The following KLHL29 variants were observed in gnomAD, a reference collection of about 807,000 sequenced individuals.
The protein encoded by KLHL29 is kelch-like protein 29.
Under a neutral mutation model 80.4 loss-of-function variants are expected in KLHL29, and 21 were observed. The ratio of observed to expected loss-of-function variants is 0.26; its 90% CI spans 0.19 to 0.38. The LOEUF (loss-of-function observed/expected upper bound fraction) is 0.38. Ranked by LOEUF, KLHL29 falls within the 10% of genes least tolerant of loss-of-function variation. The pLI is 1.00. For missense variants in KLHL29, 867 were observed against 1,223.9 expected (o/e 0.71, Z 4.35); for synonymous variants, 511 against 526.8 (o/e 0.97, Z 0.41).
chr2:23,455,858 A>G (rs2103424799), intron 1 of KLHL29, among the ~76,000 whole-genome samples: 1 of 152,248 alleles, frequency 6.6e-6, no homozygotes, highest in South Asian at 2.1e-4. Flanking sequence ...CCAATCCCTC[A>G]GAATGTGGCT....
At position 23,700,017 on chromosome 2, in the gene KLHL29, G is replaced by A. The variant is rs1044551760; in HGVS notation, c.2106-3169G>A. 8.5e-5 allele frequency among the ~76,000 whole-genome samples: 13 copies of A among 152,096 alleles called. No homozygotes were observed. Among genetic ancestry groups the A allele is most frequent in the African/African-American group, 2.2e-4 (9 of 41,396 alleles). ...CATTCCTACAAATACAGCTACACTC[G>A]TGCCATCCTTGACTTCCTCTCTCCT... On this transcript the variant is annotated intron_variant, in intron 11 of 13. Transcript: ENST00000486442. The surrounding 1 kb of genome is among the most constrained non-coding windows in gnomAD (Gnocchi z 4.6).
At chr2:23,688,528 C>T (rs1214117918) in intron 6 of KLHL29, among the ~76,000 whole-genome samples, 9 of 152,184 alleles carry the variant, frequency 5.9e-5, no homozygotes, top group Non-Finnish European at 1.3e-4. Flanking sequence ...TGCAAACATT[C>T]TAGTAGTTGG....
At chr2:23,508,033 C>T (rs1019103969) in intron 2 of KLHL29, among the ~76,000 whole-genome samples, 2 of 152,212 alleles carry the variant, frequency 1.3e-5, no homozygotes, top group African/African-American at 2.4e-5. Flanking sequence ...CTGGTTCACG[C>T]ATGCTCCTCA....
intron 3 of KLHL29, among the ~76,000 whole-genome samples, chr2:23,570,168 C>T (rs113955879): frequency 2.2e-4 from 33 of 152,222 alleles, no homozygotes; most frequent in African/African-American, 6.8e-4. Context: ...CTGAGCAGAG[C>T]GAGTGGGCCA....
At chr2:23,643,123 TC>T (rs1404395185) in intron 5 of KLHL29, 2 of 588,202 alleles carry the variant, frequency 3.4e-6, no homozygotes, top group African/African-American at 1.8e-5. Context: ...CCAGAGCCCG[TC>T]CCCCTCCAGC....
chr2:23,603,815 A>G (rs1256689964), intron 3 of KLHL29, among the ~76,000 whole-genome samples: 1 of 152,218 alleles, frequency 6.6e-6, no homozygotes, highest in Non-Finnish European at 1.5e-5. Flanking sequence ...TCCAGCGGGA[A>G]AGGAAGGCTG....
intron 5 of KLHL29, among the ~76,000 whole-genome samples, chr2:23,656,284 C>A (rs1670242554): frequency 6.6e-6 from 1 of 152,102 alleles, no homozygotes; most frequent in Non-Finnish European, 1.5e-5. Context: ...AGATGCTGGC[C>A]CGGAGGAGGT....
chr2:23,453,417 T>G (rs187217494), intron 1 of KLHL29, among the ~76,000 whole-genome samples: 9 of 152,336 alleles, frequency 5.9e-5, no homozygotes, highest in African/African-American at 2.2e-4. Context: ...TCTCCCACAT[T>G]GAGGCTTTTC....
chr2:23,443,146 G>T (rs1030860777), intron 1 of KLHL29, among the ~76,000 whole-genome samples: 46 of 152,090 alleles, frequency 3.0e-4, no homozygotes, highest in African/African-American at 1.1e-3. Context: ...CTACCACCTA[G>T]ATTCAAAAAT....
intron 3 of KLHL29, among the ~76,000 whole-genome samples, chr2:23,589,585 C>T: frequency 6.6e-6 from 1 of 152,212 alleles, no homozygotes; most frequent in East Asian, 1.9e-4. Context: ...GGCCTTGGCC[C>T]CAGGACCCCA....
rs897423087 is a variant in KLHL29, at chr2:23,642,821, A to G, written c.911A>G (p.Tyr304Cys). 3 of 1,550,212 alleles carry G rather than the reference A, an allele frequency of 1.9e-6. No homozygotes were observed. The highest frequency in any genetic ancestry group is 2.6e-6 in the Non-Finnish European group (3 of 1,146,864). Reference protein sequence around the residue: ...QMLRTIGVGKYEFTDPGHPRE... With the variant: ...QMLRTIGVGKCEFTDPGHPRE... ...CTGCGGACCATTGGCGTGGGGAAGT[A>G]TGAGTTCACCGACCCGGGGCACCCC... is the stretch of plus-strand genomic sequence containing the variant. Residue 304 changes from tyrosine to cysteine, a missense_variant, in exon 5 of 14, where the codon TAT (tyrosine) becomes TGT (cysteine). By Grantham distance (194) the Tyr-to-Cys change is radical. Coordinates refer to ENST00000486442, the MANE Select transcript of KLHL29 (RefSeq NM_052920.2).
rs528965969 is a variant in KLHL29, at chr2:23,442,129, G to A, written c.-153-33431G>A. Among the ~76,000 whole-genome samples, 10 of 152,180 alleles carry A rather than the reference G, an allele frequency of 6.6e-5. No individual in the cohort carries two copies. The South Asian group carries it at 2.1e-3, about 32-fold the overall frequency. On this transcript the variant is annotated intron_variant, in intron 1 of 13. Transcript: ENST00000486442. ...TAATTTTTGAGACAGGGTCTTGTAGGCTAGAATGCAGTGACACAAAAACGG... is the reference window on the plus strand; with the variant it reads ...TAATTTTTGAGACAGGGTCTTGTAGACTAGAATGCAGTGACACAAAAACGG...
chr2:23,597,323 G>T (rs1476839907), intron 3 of KLHL29, among the ~76,000 whole-genome samples: 38 of 138,094 alleles, frequency 2.8e-4, no homozygotes. Flanking sequence ...GTGTGTGTGT[G>T]TGTGTGTGTG....
At chr2:23,579,460 G>C (rs1030494285) in intron 3 of KLHL29, among the ~76,000 whole-genome samples, 5 of 152,076 alleles carry the variant, frequency 3.3e-5, no homozygotes, top group African/African-American at 9.7e-5. Context: ...GCCTGGCTCA[G>C]GGCTCAGGTT....
rs925099661 is a variant in KLHL29, at chr2:23,682,965, G to T, written c.941-1434G>T. Among the ~76,000 whole-genome samples the T allele has an allele frequency of 2.6e-5, 4 of 152,202 alleles. No homozygotes were observed. The East Asian group carries it at 7.7e-4, about 29-fold the overall frequency. On this transcript the variant is annotated intron_variant, in intron 5 of 13. Coordinates refer to ENST00000486442, the MANE Select transcript of KLHL29 (RefSeq NM_052920.2). The surrounding 1 kb of genome is among the most constrained non-coding windows in gnomAD (Gnocchi z 4.1). ...CATGCATGTGGCGTGTTCTCCAGGAGCCCCTCCCACCGTCTTCCTTGGTCT... is the reference window on the plus strand; with the variant it reads ...CATGCATGTGGCGTGTTCTCCAGGATCCCCTCCCACCGTCTTCCTTGGTCT...
intron 3 of KLHL29, among the ~76,000 whole-genome samples, chr2:23,622,281 G>A (rs1447842392): frequency 6.6e-6 from 1 of 152,126 alleles, no homozygotes. Flanking sequence ...CATCCCCTCT[G>A]TTCATGCCCA....
chr2:23,412,122 A>AGGGGGGGGGGGGGGGGGG (rs33951812), intron 1 of KLHL29, among the ~76,000 whole-genome samples: 3 of 118,716 alleles, frequency 2.5e-5, no homozygotes, highest in African/African-American at 1.0e-4. Context: ...GTGTGCGTGA[A>AGGGGGGGGGGGGGGGGGG]GGGGGGGGGG....
intron 12 of KLHL29, 110 bp from the exon 13 acceptor site, chr2:23,703,609 C>T: frequency 7.5e-7 from 1 of 1,332,826 alleles, no homozygotes; most frequent in Admixed American, 2.7e-5. Flanking sequence ...CAATCAGTCA[C>T]TTGTTGGAAG....
intron 3 of KLHL29, among the ~76,000 whole-genome samples, chr2:23,599,361 T>C (rs1475562215): frequency 2.0e-5 from 3 of 152,146 alleles, no homozygotes; most frequent in Non-Finnish European, 4.4e-5. Context: ...CCGGGGCTTT[T>C]CTCATCCGTA....
Sources: gnomAD v4.1 joint callset for allele counts (sites outside exome capture counted in the v4.1 genomes callset) on GRCh38, gnomAD v4.1.1 for gene constraint, Gnocchi (gnomAD v3.1) non-coding constraint, MANE v1.5 for transcripts, NCBI Gene and HGNC (gene_info 2026-07-23, HGNC 2026-07-21) for gene names.